STPG2: variants seen among roughly 807,000 people sequenced by gnomAD.
STPG2 encodes the protein sperm-tail PG-rich repeat-containing protein 2.
In STPG2, 56 loss-of-function variants were observed where a neutral mutation model predicts 54.2. That is an observed-to-expected ratio of 1.03 (90% CI 0.83 to 1.29). STPG2 has a LOEUF of 1.29. Ranked by LOEUF, STPG2 falls within the 50% of genes most tolerant of loss-of-function variation. STPG2 has a pLI of 0.00. For missense variants in STPG2, 596 were observed against 544.9 expected, an observed-to-expected ratio of 1.09 and a Z score of -0.93; for synonymous variants, 200 against 181.8, an observed-to-expected ratio of 1.10 and a Z score of -0.81.
intron 5 of STPG2, among the ~76,000 whole-genome samples, chr4:98,027,235 T>TGG (rs1736451442): frequency 1.3e-5 from 2 of 152,224 alleles, no homozygotes; most frequent in African/African-American, 4.8e-5. Flanking sequence ...AAGTCTCTTT[T>TGG]ACCATGTCAA....
At chr4:97,616,059 T>TAA (rs1332447435) in intron 10 of STPG2, among the ~76,000 whole-genome samples, 4 of 31,318 alleles carry the variant, frequency 1.3e-4, no homozygotes, top group Non-Finnish European at 2.6e-4. Context: ...TACATATAAA[T>TAA]ATATATATAT....
intron 4 of STPG2, among the ~76,000 whole-genome samples, chr4:97,483,614 A>G (rs1475506836): frequency 6.6e-6 from 1 of 151,820 alleles, no homozygotes; most frequent in Non-Finnish European, 1.5e-5. Context: ...AGACAGCAAC[A>G]CAATAGTAGT....
At chr4:98,022,558 T>C (rs1736253404) in intron 5 of STPG2, among the ~76,000 whole-genome samples, 1 of 151,732 alleles carries the variant, frequency 6.6e-6, no homozygotes, top group Admixed American at 6.6e-5. Flanking sequence ...AATCTGAATG[T>C]TGGCCTGCCT....
At chr4:97,824,587 G>T (rs1182154039) in intron 9 of STPG2, among the ~76,000 whole-genome samples, 1 of 152,096 alleles carries the variant, frequency 6.6e-6, no homozygotes, top group Non-Finnish European at 1.5e-5. Flanking sequence ...ACAGCAAACT[G>T]GTCAGTTATG....
chr4:97,817,370 T>C (rs1338379422), intron 9 of STPG2, among the ~76,000 whole-genome samples: 3 of 151,976 alleles, frequency 2.0e-5, no homozygotes, highest in Non-Finnish European at 4.4e-5. Flanking sequence ...TAAACTACAT[T>C]AGTAATAAAA....
chr4:97,523,092 T>C (rs1214268107), intron 4 of STPG2, among the ~76,000 whole-genome samples: 1 of 151,994 alleles, frequency 6.6e-6, no homozygotes, highest in Non-Finnish European at 1.5e-5. Context: ...ACCTTTAATA[T>C]ATTGCAAAGC....
At chr4:97,655,502 G>A (rs1722196277) in intron 10 of STPG2, among the ~76,000 whole-genome samples, 1 of 151,952 alleles carries the variant, frequency 6.6e-6, no homozygotes, top group Non-Finnish European at 1.5e-5. Flanking sequence ...TTAGTGTCTT[G>A]ATTCATATTA....
At chr4:97,712,400 T>C (rs1427599063) in intron 10 of STPG2, among the ~76,000 whole-genome samples, 1 of 152,160 alleles carries the variant, frequency 6.6e-6, no homozygotes, top group Non-Finnish European at 1.5e-5. Context: ...AATGTATGAA[T>C]ACAAACAAGT....
At chr4:97,940,852 G>A (rs1732949725) in intron 8 of STPG2, among the ~76,000 whole-genome samples, 1 of 148,348 alleles carries the variant, frequency 6.7e-6, no homozygotes, top group Admixed American at 6.7e-5. Flanking sequence ...TCATACATGA[G>A]CTAAAATGAC....
chr4:97,745,575 C>T (rs1456778761), intron 9 of STPG2, among the ~76,000 whole-genome samples: 4 of 151,062 alleles, frequency 2.6e-5, no homozygotes, highest in Non-Finnish European at 5.9e-5. Flanking sequence ...CATGAAAGAG[C>T]TTTAGTAAAA....
intron 10 of STPG2, among the ~76,000 whole-genome samples, chr4:97,560,497 A>C (rs142472363): frequency 1.3e-5 from 2 of 152,294 alleles, no homozygotes; most frequent in African/African-American, 4.8e-5. Context: ...GTAAGGGAAT[A>C]TTTAAAAAGA....
At chr4:97,811,108 G>A (rs1236769825) in intron 9 of STPG2, among the ~76,000 whole-genome samples, 6 of 151,848 alleles carry the variant, frequency 4.0e-5, no homozygotes, top group Admixed American at 6.6e-5. Context: ...CAAAGAATAC[G>A]AATTACTGTT....
intron 1 of STPG2, among the ~76,000 whole-genome samples, chr4:98,138,526 A>G (rs1740197405): frequency 6.6e-6 from 1 of 152,116 alleles, no homozygotes; most frequent in South Asian, 2.1e-4. Flanking sequence ...TTCTATAGTC[A>G]CAACTACAGC....
chr4:98,070,845 C>G (rs1276319434), intron 5 of STPG2, among the ~76,000 whole-genome samples: 1 of 152,008 alleles, frequency 6.6e-6, no homozygotes, highest in Non-Finnish European at 1.5e-5. Flanking sequence ...CAAACCACTG[C>G]TTAAGGAAAT....
chr4:97,930,091 G>T (rs1578702018), intron 8 of STPG2, among the ~76,000 whole-genome samples: 1 of 152,052 alleles, frequency 6.6e-6, no homozygotes, highest in African/African-American at 2.4e-5. Flanking sequence ...TAGAGATGAG[G>T]TTTCACCATG....
intron 5 of STPG2, among the ~76,000 whole-genome samples, chr4:98,056,110 C>A (rs1463499419): frequency 6.6e-6 from 1 of 152,088 alleles, no homozygotes; most frequent in East Asian, 1.9e-4. Flanking sequence ...TCTGCTTTGC[C>A]CCCCCCCAAA....
chr4:98,066,890 T>C (rs1176456960), intron 5 of STPG2, among the ~76,000 whole-genome samples: 3 of 152,204 alleles, frequency 2.0e-5, no homozygotes, highest in Non-Finnish European at 4.4e-5. Context: ...ACAATCAATA[T>C]CAGTTATGGT....
intron 10 of STPG2, among the ~76,000 whole-genome samples, chr4:97,681,353 T>C (rs1358609014): frequency 1.3e-5 from 2 of 151,856 alleles, no homozygotes; most frequent in Non-Finnish European, 2.9e-5. Context: ...GTGCTCTAGT[T>C]AGTACAAAAC....
intron 10 of STPG2, among the ~76,000 whole-genome samples, chr4:97,590,564 G>T (rs1258411641): frequency 1.3e-5 from 2 of 151,590 alleles, no homozygotes; most frequent in Non-Finnish European, 2.9e-5. Context: ...TTGAACTAGG[G>T]TTATTCAGAA....
Sources: gnomAD v4.1 joint callset for allele counts (sites outside exome capture counted in the v4.1 genomes callset) on GRCh38, gnomAD v4.1.1 for gene constraint, MANE v1.5 for transcripts, NCBI Gene and HGNC (gene_info 2026-07-23, HGNC 2026-07-21) for gene names.